RAB14: variants seen among roughly 807,000 people sequenced by gnomAD.
RAB14 encodes RAB14, member RAS oncogene family.
RAB14 carries 3 observed loss-of-function variants against 31.1 expected under a neutral mutation model. That is an observed-to-expected ratio of 0.10 (90% CI 0.04 to 0.25). RAB14 has a LOEUF of 0.25. RAB14 is among the 10% of genes least tolerant of loss of function. The pLI is 1.00. For missense variants in RAB14, 111 were observed against 260.1 expected, an observed-to-expected ratio of 0.43 and a Z score of 3.94; for synonymous variants, 85 against 84.9, an observed-to-expected ratio of 1.00 and a Z score of 0.00.
At chr9:121,194,361 A>G (rs575985582) in intron 1 of RAB14, among the ~76,000 whole-genome samples, 6 of 152,326 alleles carry the variant, frequency 3.9e-5, no homozygotes, top group African/African-American at 1.4e-4. Context: ...GATATTTCAA[A>G]AGATCACAGC....
chr9:121,200,802 T>C (rs541553554), intron 1 of RAB14, among the ~76,000 whole-genome samples: 7 of 152,168 alleles, frequency 4.6e-5, no homozygotes, highest in Admixed American at 6.5e-5. Flanking sequence ...TCCTCACTTA[T>C]GAAGTGGAGA....
intron 1 of RAB14, among the ~76,000 whole-genome samples, chr9:121,201,227 G>C (rs1014095277): frequency 6.6e-6 from 1 of 152,202 alleles, no homozygotes; most frequent in Admixed American, 6.5e-5. Flanking sequence ...GCTGCAGGGC[G>C]GCGCGGCACG....
chr9:121,195,315 A>T (rs1190245669), intron 1 of RAB14, among the ~76,000 whole-genome samples: 1 of 152,164 alleles, frequency 6.6e-6, no homozygotes, highest in East Asian at 1.9e-4. Flanking sequence ...GTAATCACTT[A>T]GTCACCTTCA....
At chr9:121,190,064 GA>G (rs1321162285) in intron 4 of RAB14, among the ~76,000 whole-genome samples, 1 of 151,706 alleles carries the variant, frequency 6.6e-6, no homozygotes, top group African/African-American at 2.4e-5. Flanking sequence ...TCCATTTTAA[GA>G]GAAAAAAAAA....
Position 121,183,350 on chromosome 9 carries a change from C to A in RAB14, c.400G>T (p.Val134Phe). 6.2e-7 allele frequency: 1 copy of A among 1,611,354 alleles called. No individual in the cohort carries two copies. The highest frequency in any genetic ancestry group is 8.5e-7 in the Non-Finnish European group (1 of 1,178,482). Residue 134 changes from valine to phenylalanine, a missense_variant, in exon 6 of 8, where the codon GTT (valine) becomes TTT (phenylalanine). Transcript: ENST00000373840. ...AACTGTTTGGCTTCTTCATATGTAA[C>A]ATCTCTCTGTGCCTCCAAATCTGCT... ...NKADLEAQRD[V>F]TYEEAKQFAE... is the part of the protein sequence containing the mutation.
chr9:121,185,167 C>A (rs553455077), intron 5 of RAB14, among the ~76,000 whole-genome samples: 1 of 152,156 alleles, frequency 6.6e-6, no homozygotes, highest in Non-Finnish European at 1.5e-5. Context: ...GGACACAGGG[C>A]GGTAAGGTTA....
At chr9:121,199,172 T>C (rs2053735841) in intron 1 of RAB14, among the ~76,000 whole-genome samples, 1 of 152,176 alleles carries the variant, frequency 6.6e-6, no homozygotes, top group Non-Finnish European at 1.5e-5. Context: ...GGATTAATAG[T>C]GAAAATTTTA....
chr9:121,191,902 ATTAAGT>A (rs2053689001), intron 3 of RAB14, among the ~76,000 whole-genome samples: 1 of 152,152 alleles, frequency 6.6e-6, no homozygotes. Flanking sequence ...GAATAAAAAG[ATTAAGT>A]TTGACATTAT....
At chr9:121,183,225 T>C (rs573215933) in intron 6 of RAB14, 86 bp downstream of exon 6, 2 of 1,042,238 alleles carry the variant, frequency 1.9e-6, no homozygotes, top group Admixed American at 2.5e-5. Flanking sequence ...AAAAAAAAAA[T>C]GCAAAAAAAA....
intron 5 of RAB14, among the ~76,000 whole-genome samples, chr9:121,186,517 T>C (rs2053660004): frequency 6.6e-6 from 1 of 152,154 alleles, no homozygotes; most frequent in Admixed American, 6.5e-5. Flanking sequence ...GACTGAAATT[T>C]TTATCCTTAA....
intron 1 of RAB14, among the ~76,000 whole-genome samples, chr9:121,195,452 C>T (rs2053709909): frequency 6.6e-6 from 1 of 152,072 alleles, no homozygotes; most frequent in Non-Finnish European, 1.5e-5. Context: ...TTCTAACAAT[C>T]CCAAATTTCT....
rs56303323 is a variant in RAB14, at chr9:121,194,094, T to TCACACA, written c.-7-681_-7-676dup. Among the ~76,000 whole-genome samples, 1,232 of 139,018 alleles carry TCACACA rather than the reference T, an allele frequency of 8.9e-3. 10 individuals carry two copies. The highest frequency in any genetic ancestry group is 0.012 in the Non-Finnish European group (821 of 66,040). 91.2% of individuals were successfully genotyped at this position (139,018 alleles called of 152,430 possible). A position where few individuals can be genotyped will look rare whatever the true frequency, so the allele number is the denominator to read the frequency against. ...TAATACAGGACTTGCAGATTATCAC[T>TCACACA]CACACACACACACACACACACACAC... On this transcript the variant is annotated intron_variant, in intron 1 of 7. Coordinates refer to ENST00000373840, the MANE Select transcript of RAB14 (RefSeq NM_016322.4).
chr9:121,184,616 T>C (rs1245551104), intron 5 of RAB14, among the ~76,000 whole-genome samples: 1 of 152,182 alleles, frequency 6.6e-6, no homozygotes, highest in Non-Finnish European at 1.5e-5. Context: ...AAATTACAGC[T>C]CCTGGCTCTT....
At chr9:121,185,392 T>C (rs1262058788) in intron 5 of RAB14, among the ~76,000 whole-genome samples, 2 of 152,114 alleles carry the variant, frequency 1.3e-5, no homozygotes, top group Non-Finnish European at 2.9e-5. Flanking sequence ...CTTATTCAGA[T>C]TTCAGTTTTT....
rs1471958390 is a variant in RAB14 at position 121,181,450 on chromosome 9, C to T, written c.594G>A (p.Gln198=). The T allele has an allele frequency of 3.2e-5, 52 of 1,612,372 alleles. No individual in the cohort carries two copies. Among genetic ancestry groups the T allele is most frequent in the Non-Finnish European group, 4.1e-5 (48 of 1,178,766 alleles). Residue 198 remains glutamine (Q), a synonymous_variant, in exon 8 of 8, where the codon CAG becomes CAA. Transcript: ENST00000373840. ...SGVQHKPSAP[Q]GGRLTSEPQP... is the part of the protein sequence containing the mutation. ...GGGGTTCACTGGTTAGCCGGCCTCC[C>T]TGCGGGGCTGAAGGTTTGTGTTGTA...
At position 121,190,534 on chromosome 9, in the gene RAB14, G is replaced by A. The variant is rs773701619; in HGVS notation, c.284+20C>T. 9.7e-6 allele frequency: 15 copies of A among 1,541,952 alleles called. 1 individual carries two copies. In the South Asian group the frequency reaches 1.4e-4, roughly 14 times the overall value. ...GTAGATTTATTTTCCCCATATGAAG[G>A]TTGAAAAATTATCTCTTACCTAGTG... On this transcript the variant is annotated intron_variant, in intron 4 of 7. Transcript: ENST00000373840.
Position 121,190,728 on chromosome 9 carries a change from A to G in RAB14, c.110T>C (p.Met37Thr), listed in dbSNP as rs1564320554. The G allele has an allele frequency of 1.2e-6, 2 of 1,612,844 alleles. No homozygotes were observed. Among genetic ancestry groups the G allele is most frequent in the Non-Finnish European group, 1.7e-6 (2 of 1,179,256 alleles). The change falls in exon 4 of 8, where the codon ATG becomes ACG. Residue 37 changes from methionine (M) to threonine (T), a missense_variant. Physicochemically the swap from Met to Thr is moderately conservative, Grantham distance 81. Transcript: ENST00000373840. ...ACCAATTGTGTGAGGACAATCAGCC[A>G]TAACTGTTAAGGAGGAAAAAAAGTA... ...LLHQFTEKKF[M>T]ADCPHTIGVE...
At chr9:121,192,770 A>G (rs950402575) in intron 2 of RAB14, among the ~76,000 whole-genome samples, 1 of 152,108 alleles carries the variant, frequency 6.6e-6, no homozygotes, top group Admixed American at 6.6e-5. Flanking sequence ...ACCCTTGATG[A>G]AGGAAACATT....
rs564183786 is a variant in RAB14 at position 121,179,747 on chromosome 9, A to G, written c.*1649T>C. 6.5e-6 allele frequency: 1 copy of G among 152,782 alleles called. No individual in the cohort carries two copies. Among genetic ancestry groups the G allele is most frequent in the South Asian group, 2.1e-4 (1 of 4,828 alleles). 9.5% of individuals were successfully genotyped at this position (152,782 alleles called of 1,614,324 possible). On this transcript the variant is annotated 3_prime_UTR_variant, in exon 8 of 8. Transcript: ENST00000373840. ...TTTTGGCTTTTATTTAACATTGACT[A>G]TACAATACTCTGGTACTACCACATG...
Sources: allele counts gnomAD v4.1 joint callset (sites outside exome capture counted in the v4.1 genomes callset), GRCh38; gene constraint gnomAD v4.1.1; transcripts MANE v1.5; gene names NCBI Gene and HGNC (gene_info 2026-07-23, HGNC 2026-07-21).